Variants in PPARGC1A observed in about 807,000 individuals in gnomAD.
PPARGC1A encodes the protein peroxisome proliferator-activated receptor gamma coactivator 1-alpha.
PPARGC1A carries 25 observed loss-of-function variants against 88.7 expected under a neutral mutation model. The ratio of observed to expected loss-of-function variants is 0.28; its 90% CI spans 0.21 to 0.39. The LOEUF is 0.39. Among genes scored for constraint, PPARGC1A ranks in the 10% least tolerant of loss-of-function variants. The pLI is 1.00. For synonymous variants in PPARGC1A, 363 were observed against 355.6 expected (o/e 1.02, Z -0.24); for missense variants, 880 against 968.7 (o/e 0.91, Z 1.22).
chr4:23,995,808 C>T, the PPARGC1A span, among the ~76,000 whole-genome samples: 1 of 152,080 alleles, frequency 6.6e-6, no homozygotes, highest in Admixed American at 6.6e-5. Flanking sequence ...CATTTACCTG[C>T]TTGTTCCTCT....
At chr4:23,918,377 A>G in the PPARGC1A span, among the ~76,000 whole-genome samples, 4 of 151,970 alleles carry the variant, frequency 2.6e-5, no homozygotes, top group African/African-American at 9.7e-5. Flanking sequence ...GCCAGCCGTC[A>G]TGCCCAGCTA....
Position 23,802,232 on chromosome 4 carries a change from C to T in PPARGC1A, c.2133G>A (p.Arg711=). ...ATCTTGAAGATTCTCACCCATCATC[C>T]CGCAGATTTACTGTGCACTCCTCAA... ...GEIEECTVNL[R]DDGDSYGFIT... The change falls in exon 11 of 13, where the codon CGG becomes CGA. Residue 711 remains arginine, a synonymous_variant. Coordinates refer to ENST00000264867, the MANE Select transcript of PPARGC1A (RefSeq NM_013261.5). The T allele has an allele frequency of 6.2e-7, 1 of 1,614,062 alleles. No individual in the cohort carries two copies. Among genetic ancestry groups the T allele is most frequent in the South Asian group, 1.1e-5 (1 of 91,074 alleles).
chr4:24,188,888 C>A, the PPARGC1A span, among the ~76,000 whole-genome samples: 1 of 152,082 alleles, frequency 6.6e-6, no homozygotes, highest in Non-Finnish European at 1.5e-5. Flanking sequence ...AAGGTGAACA[C>A]AAACCAAGTG....
the PPARGC1A span, among the ~76,000 whole-genome samples, chr4:24,249,072 A>C: frequency 2.6e-5 from 4 of 152,078 alleles, no homozygotes; most frequent in Admixed American, 2.6e-4. Flanking sequence ...CAATCCCAAC[A>C]CTTTGCCCTC....
the PPARGC1A span, among the ~76,000 whole-genome samples, chr4:24,205,994 G>A: frequency 6.6e-6 from 1 of 152,206 alleles, no homozygotes; most frequent in Non-Finnish European, 1.5e-5. Context: ...GTCCAGCCAA[G>A]ATCCTTTTCA....
the PPARGC1A span, among the ~76,000 whole-genome samples, chr4:23,930,373 T>C: frequency 4.6e-5 from 7 of 152,134 alleles, no homozygotes; most frequent in Non-Finnish European, 1.0e-4. Context: ...ATGTCAATCA[T>C]ATTGTGGGGA....
At chr4:24,148,047 G>A in the PPARGC1A span, among the ~76,000 whole-genome samples, 1 of 152,136 alleles carries the variant, frequency 6.6e-6, no homozygotes, top group East Asian at 1.9e-4. Context: ...CCAGTCCCCA[G>A]TTTCTTAGAG....
the PPARGC1A span, among the ~76,000 whole-genome samples, chr4:23,969,209 A>C: frequency 4.6e-5 from 7 of 152,334 alleles, no homozygotes; most frequent in South Asian, 1.5e-3. Flanking sequence ...TAGAGTCTCG[A>C]TAAATGTCTG....
chr4:24,170,072 A>C, the PPARGC1A span, among the ~76,000 whole-genome samples: 1 of 152,180 alleles, frequency 6.6e-6, no homozygotes, highest in African/African-American at 2.4e-5. Flanking sequence ...CATTGAGCAA[A>C]CTGGCAAAAG....
chr4:24,292,178 AACCCAGGAGAAC>A, the PPARGC1A span, among the ~76,000 whole-genome samples: 1 of 151,938 alleles, frequency 6.6e-6, no homozygotes, highest in Non-Finnish European at 1.5e-5. Flanking sequence ...CATGTGGATG[AACCCAGGAGAAC>A]ACAAATGAAT....
chr4:23,802,415 C>A, intron 10 of PPARGC1A, 70 bp from the exon 11 acceptor site: 1 of 1,590,258 alleles, frequency 6.3e-7, no homozygotes, highest in East Asian at 2.2e-5. Context: ...CACAGTGGCT[C>A]ACACCTGTAA....
At chr4:24,129,264 T>C in the PPARGC1A span, among the ~76,000 whole-genome samples, 6 of 152,096 alleles carry the variant, frequency 3.9e-5, no homozygotes, top group African/African-American at 1.4e-4. Flanking sequence ...AAAGAACACA[T>C]AGGTTATGAG....
the PPARGC1A span, among the ~76,000 whole-genome samples, chr4:23,948,411 A>C: frequency 6.6e-6 from 1 of 152,150 alleles, no homozygotes; most frequent in African/African-American, 2.4e-5. Context: ...CCTGTCATAG[A>C]TGCTTGACAT....
the PPARGC1A span, among the ~76,000 whole-genome samples, chr4:24,441,909 G>A: frequency 2.6e-5 from 4 of 152,228 alleles, no homozygotes; most frequent in Non-Finnish European, 5.9e-5. Flanking sequence ...AATGCAGCTT[G>A]TCCTTAAAAT....
chr4:24,269,811 G>A, the PPARGC1A span, among the ~76,000 whole-genome samples: 94,332 of 151,966 alleles, frequency 0.62, 29,773 homozygotes, highest in East Asian at 0.87. Flanking sequence ...TCAGTTCAAG[G>A]CCTAGCTCTT....
At chr4:24,374,747 T>C in the PPARGC1A span, among the ~76,000 whole-genome samples, 1 of 152,056 alleles carries the variant, frequency 6.6e-6, no homozygotes, top group Non-Finnish European at 1.5e-5. Context: ...CTAACAAGTG[T>C]TGGCAAGGAT....
the PPARGC1A span, among the ~76,000 whole-genome samples, chr4:23,986,314 TG>T: frequency 6.6e-6 from 1 of 152,140 alleles, no homozygotes; most frequent in Admixed American, 6.6e-5. Context: ...CACCGTACTT[TG>T]GTTCGTGGCA....
the PPARGC1A span, among the ~76,000 whole-genome samples, chr4:24,148,071 C>T: frequency 6.6e-6 from 1 of 152,186 alleles, no homozygotes; most frequent in Admixed American, 6.5e-5. Context: ...GAGAGAGATG[C>T]TTTCCACTGC....
At chr4:24,188,376 G>C in the PPARGC1A span, among the ~76,000 whole-genome samples, 216 of 152,236 alleles carry the variant, frequency 1.4e-3, 1 homozygote, top group African/African-American at 5.0e-3. Context: ...GAAACGAAAG[G>C]TGAGTCTGGA....
Sources: allele counts gnomAD v4.1 joint callset (sites outside exome capture counted in the v4.1 genomes callset), GRCh38; gene constraint gnomAD v4.1.1; transcripts MANE v1.5; gene names NCBI Gene and HGNC (gene_info 2026-07-23, HGNC 2026-07-21).